ARHGEF12: variants seen among roughly 807,000 people sequenced by gnomAD.
The protein encoded by ARHGEF12 is Rho guanine nucleotide exchange factor 12.
A neutral mutation model predicts 211.2 loss-of-function variants in ARHGEF12; 66 were observed. That is an observed-to-expected ratio of 0.31 (90% CI 0.26 to 0.38). The LOEUF is 0.38. Ranked by LOEUF, ARHGEF12 falls within the 10% of genes least tolerant of loss-of-function variation. The pLI, the probability that ARHGEF12 is intolerant of heterozygous loss-of-function variation, is 1.00. For synonymous variants in ARHGEF12, 592 were observed against 638.4 expected (o/e 0.93, Z 1.09); for missense variants, 1,429 against 1,869.5 (o/e 0.76, Z 4.34).
chr11:120,449,490 GGAGATC>G (rs1486919343), intron 21 of ARHGEF12: 2 of 318,550 alleles, frequency 6.3e-6, no homozygotes, highest in South Asian at 5.6e-5. Flanking sequence ...CACAAGTTCA[GGAGATC>G]GAGACCATCC....
At chr11:120,472,710 A>C (rs1565509066) in intron 30 of ARHGEF12, among the ~76,000 whole-genome samples, 1 of 151,770 alleles carries the variant, frequency 6.6e-6, no homozygotes, top group Non-Finnish European at 1.5e-5. Context: ...GCTGGAGTGC[A>C]GTGGCGTGAT....
intron 1 of ARHGEF12, among the ~76,000 whole-genome samples, chr11:120,381,123 G>C (rs1345638806): frequency 6.6e-6 from 1 of 152,152 alleles, no homozygotes; most frequent in Non-Finnish European, 1.5e-5. Context: ...TGTGCTCATT[G>C]CTATTGGAGT....
intron 13 of ARHGEF12, among the ~76,000 whole-genome samples, chr11:120,441,467 C>T (rs1387608205): frequency 6.6e-6 from 1 of 152,126 alleles, no homozygotes; most frequent in Non-Finnish European, 1.5e-5. Context: ...ATAATCGTCT[C>T]CTAAATTTCC....
intron 39 of ARHGEF12, among the ~76,000 whole-genome samples, chr11:120,482,941 G>A (rs1338364578): frequency 6.6e-6 from 1 of 151,954 alleles, no homozygotes; most frequent in Non-Finnish European, 1.5e-5. Flanking sequence ...CTTATTTTAT[G>A]TAGTATCATT....
intron 11 of ARHGEF12, 44 bp from the exon 12 acceptor site, chr11:120,437,264 G>A: frequency 1.5e-6 from 2 of 1,375,646 alleles, no homozygotes; most frequent in Non-Finnish European, 2.0e-6. Context: ...TCTCCTTTTG[G>A]TGTGCCTATT....
chr11:120,351,738 T>G (rs1285643368), intron 1 of ARHGEF12, among the ~76,000 whole-genome samples: 1 of 152,058 alleles, frequency 6.6e-6, no homozygotes, highest in Non-Finnish European at 1.5e-5. Flanking sequence ...CCCAAAATAC[T>G]GGGATTCCAG....
At chr11:120,381,073 A>G (rs1943865093) in intron 1 of ARHGEF12, among the ~76,000 whole-genome samples, 1 of 152,220 alleles carries the variant, frequency 6.6e-6, no homozygotes, top group African/African-American at 2.4e-5. Flanking sequence ...TGAAGGAACT[A>G]GCATTCCTTT....
intron 1 of ARHGEF12, among the ~76,000 whole-genome samples, chr11:120,390,233 T>A (rs1384587298): frequency 6.6e-6 from 1 of 152,186 alleles, no homozygotes; most frequent in African/African-American, 2.4e-5. Context: ...CAGACTTCCT[T>A]GGTATCACTC....
chr11:120,383,071 G>A (rs542116947), intron 1 of ARHGEF12, among the ~76,000 whole-genome samples: 22 of 152,284 alleles, frequency 1.4e-4, no homozygotes, highest in Middle Eastern at 3.4e-3. Context: ...CCCAGGAGGC[G>A]GAGCTTGCAG....
chr11:120,434,706 A>G (rs910977751), intron 11 of ARHGEF12, among the ~76,000 whole-genome samples: 1 of 152,220 alleles, frequency 6.6e-6, no homozygotes, highest in African/African-American at 2.4e-5. Context: ...GAATGCCCTG[A>G]TACCCAGTTC....
intron 10 of ARHGEF12, 139 bp downstream of exon 10, chr11:120,429,970 A>G: frequency 2.2e-6 from 2 of 905,280 alleles, no homozygotes; most frequent in Non-Finnish European, 3.2e-6. Context: ...TAAGGATGTT[A>G]CAGAAGTAAT....
chr11:120,369,429 A>C (rs1943527780), intron 1 of ARHGEF12, among the ~76,000 whole-genome samples: 1 of 152,156 alleles, frequency 6.6e-6, no homozygotes, highest in South Asian at 2.1e-4. Context: ...CCACTCGGCC[A>C]GATCTTTTGT....
chr11:120,370,043 A>G (rs1462779153), intron 1 of ARHGEF12, among the ~76,000 whole-genome samples: 1 of 152,172 alleles, frequency 6.6e-6, no homozygotes, highest in East Asian at 1.9e-4. Flanking sequence ...ATTTTTGCAG[A>G]TTTTTAAACT....
intron 33 of ARHGEF12, 48 bp from the exon 34 acceptor site, chr11:120,476,613 G>A (rs762437677): frequency 7.0e-7 from 1 of 1,433,984 alleles, no homozygotes; most frequent in Admixed American, 1.9e-5. Flanking sequence ...ATCCCTCATG[G>A]CCTCCCCAGG....
chr11:120,410,787 T>C (rs1227528714), intron 4 of ARHGEF12: 2 of 152,212 alleles, frequency 1.3e-5, no homozygotes, highest in African/African-American at 4.8e-5. Context: ...TTTACGCTTT[T>C]TCTTCCTTCC....
At chr11:120,340,401 A>G (rs1942496553) in intron 1 of ARHGEF12, among the ~76,000 whole-genome samples, 1 of 152,192 alleles carries the variant, frequency 6.6e-6, no homozygotes, top group Non-Finnish European at 1.5e-5. Flanking sequence ...GGGCTTATGA[A>G]TTTTGTAGTT....
In ARHGEF12 at chr11:120,428,124, T is replaced by G; in HGVS notation, c.462T>G (p.Ile154Met). Residue 154 changes from isoleucine to methionine, a missense_variant, in exon 8 of 41, where the codon ATT becomes ATG. By Grantham distance (10) the Ile-to-Met change is conservative (BLOSUM62 1). This residue lies in a region of ARHGEF12 where 254 missense variants were observed against 286.4 expected (regional missense o/e 0.89). Transcript: ENST00000397843. ...VQGRPPGSPQ[I>M]PLADSEVEPS... ...GACGCCCACCTGGGTCGCCCCAGAT[T>G]CCACTTGCCGACTCTGAAGTAGAGC... 6.2e-7 allele frequency: 1 copy of G among 1,609,032 alleles called. No individual in the cohort carries two copies. The highest frequency in any genetic ancestry group is 8.5e-7 in the Non-Finnish European group (1 of 1,177,934).
intron 31 of ARHGEF12, among the ~76,000 whole-genome samples, chr11:120,473,343 A>G (rs970867595): frequency 2.0e-5 from 3 of 152,210 alleles, no homozygotes; most frequent in Admixed American, 6.5e-5. Flanking sequence ...CTGTAATATT[A>G]CATGACAGCA....
chr11:120,382,222 G>A (rs1018232506), intron 1 of ARHGEF12, among the ~76,000 whole-genome samples: 1 of 152,168 alleles, frequency 6.6e-6, no homozygotes, highest in Non-Finnish European at 1.5e-5. Flanking sequence ...ATTGTAGGTC[G>A]TATGGTAACT....
Sources: allele counts gnomAD v4.1 joint callset (sites outside exome capture counted in the v4.1 genomes callset), GRCh38; gene constraint gnomAD v4.1.1; regional missense constraint gnomAD v4.1.1; transcripts MANE v1.5; gene names NCBI Gene and HGNC (gene_info 2026-07-23, HGNC 2026-07-21).